The following ULK4 variants were observed in gnomAD, a reference collection of about 807,000 sequenced individuals.
The protein encoded by ULK4 is inactive serine/threonine-protein kinase ULK4.
ULK4 carries 133 observed loss-of-function variants against 160.6 expected under a neutral mutation model. The observed-to-expected ratio is 0.83, with a 90% CI of 0.72 to 0.96. ULK4 has a LOEUF of 0.96. Among genes scored for constraint, ULK4 ranks in the 40% least tolerant of loss-of-function variants. The probability of loss-of-function intolerance (pLI) is 0.00; values close to 1 mark genes in which losing one functional copy is unlikely to be tolerated. For synonymous variants in ULK4, 534 were observed against 539.8 expected, an observed-to-expected ratio of 0.99 and a Z score of 0.15; for missense variants, 1,580 against 1,499.5, an observed-to-expected ratio of 1.05 and a Z score of -0.89.
intron 35 of ULK4, among the ~76,000 whole-genome samples, chr3:41,355,633 T>G (rs1350246541): frequency 6.6e-6 from 1 of 152,236 alleles, no homozygotes; most frequent in Non-Finnish European, 1.5e-5. Context: ...AGAAGATATA[T>G]TCTTATACTG....
chr3:41,495,937 A>G (rs1418754501), intron 32 of ULK4, among the ~76,000 whole-genome samples: 2 of 152,262 alleles, frequency 1.3e-5, no homozygotes, highest in African/African-American at 4.8e-5. Context: ...TTGAGAAAGC[A>G]TCCATAATAT....
At chr3:41,705,825 T>G (rs2036857275) in intron 25 of ULK4, among the ~76,000 whole-genome samples, 1 of 152,140 alleles carries the variant, frequency 6.6e-6, no homozygotes, top group Admixed American at 6.6e-5. Context: ...AATGTTAACA[T>G]AAGCATTTAC....
At chr3:41,544,022 T>C (rs1353980183) in intron 32 of ULK4, among the ~76,000 whole-genome samples, 2 of 152,204 alleles carry the variant, frequency 1.3e-5, no homozygotes, top group Non-Finnish European at 2.9e-5. Flanking sequence ...TCCAACATAT[T>C]GGTCCTTTCA....
intron 35 of ULK4, among the ~76,000 whole-genome samples, chr3:41,263,851 C>G (rs1185195385): frequency 6.6e-6 from 1 of 152,172 alleles, no homozygotes; most frequent in African/African-American, 2.4e-5. Context: ...GTCAATAGGA[C>G]AGTGTGTATT....
intron 35 of ULK4, among the ~76,000 whole-genome samples, chr3:41,332,872 G>A (rs1395661360): frequency 3.9e-5 from 6 of 152,082 alleles, no homozygotes; most frequent in Admixed American, 3.9e-4. Context: ...AGTACCCAAT[G>A]TTTTGTTCCC....
At chr3:41,401,529 T>C (rs1482150756) in intron 34 of ULK4, among the ~76,000 whole-genome samples, 1 of 152,082 alleles carries the variant, frequency 6.6e-6, no homozygotes, top group Non-Finnish European at 1.5e-5. Context: ...TCTATGGTGG[T>C]TAGAAATGTA....
At position 41,376,197 on chromosome 3, in the gene ULK4, T is replaced by C. The variant is rs962386366; in HGVS notation, c.3678+21882A>G. ...GTGGGAGTGTAAATTAGTTCAACCA[T>C]TGTGGAAGACAGTGTGGTAATTCCT... On this transcript the variant is annotated intron_variant, in intron 35 of 36. Transcript: ENST00000301831. 1.1e-4 allele frequency among the ~76,000 whole-genome samples: 17 copies of C among 150,450 alleles called. 4 individuals carry two copies. The East Asian group carries it at 2.7e-3, about 24-fold the overall frequency.
At chr3:41,636,524 A>C (rs1483086435) in intron 30 of ULK4, among the ~76,000 whole-genome samples, 1 of 150,810 alleles carries the variant, frequency 6.6e-6, no homozygotes, top group Non-Finnish European at 1.5e-5. Context: ...ACAGAGCAAG[A>C]CTCTGTCTCA....
intron 7 of ULK4, among the ~76,000 whole-genome samples, chr3:41,916,817 C>A (rs570016584): frequency 6.6e-6 from 1 of 150,632 alleles, no homozygotes; most frequent in Non-Finnish European, 1.5e-5. Context: ...ATGCGATTCT[C>A]CTGTCTCAGC....
In ULK4 at chr3:41,815,187, G is replaced by A. The variant is rs567562244; in HGVS notation, c.1848+4236C>T. Among the ~76,000 whole-genome samples, 17 of 152,276 alleles carry A rather than the reference G, an allele frequency of 1.1e-4. No individual in the cohort carries two copies. The South Asian group carries it at 2.1e-3, about 19-fold the overall frequency. ...CTCCCAAAGTGCTGGGATTACAGGC[G>A]TGAGCCACATGCCTACCCTAATTCT... On this transcript the variant is annotated intron_variant, in intron 19 of 36. Coordinates refer to ENST00000301831, the MANE Select transcript of ULK4 (RefSeq NM_017886.4).
intron 27 of ULK4, among the ~76,000 whole-genome samples, chr3:41,697,814 T>A (rs1575581866): frequency 1.3e-5 from 2 of 152,272 alleles, no homozygotes; most frequent in Middle Eastern, 6.8e-3. Flanking sequence ...ATAAAGTTAA[T>A]GTAACTTAAG....
At chr3:41,808,301 A>G (rs1273886412) in intron 19 of ULK4, among the ~76,000 whole-genome samples, 1 of 152,200 alleles carries the variant, frequency 6.6e-6, no homozygotes, top group Non-Finnish European at 1.5e-5. Flanking sequence ...GTGCTTTACA[A>G]CACAATTGTC....
intron 34 of ULK4, among the ~76,000 whole-genome samples, chr3:41,420,471 CTTTCTTTTTTTTT>C (rs1239038897): frequency 1.6e-5 from 1 of 63,248 alleles, no homozygotes; most frequent in Non-Finnish European, 3.1e-5. Flanking sequence ...TTTTCCAGTT[CTTTCTTTTTTTTT>C]TTTTTTTTTT....
chr3:41,680,757 G>A (rs1396702147), intron 29 of ULK4, among the ~76,000 whole-genome samples: 1 of 152,136 alleles, frequency 6.6e-6, no homozygotes, highest in East Asian at 1.9e-4. Flanking sequence ...CCAGACTGCG[G>A]CCCAGGCCCT....
chr3:41,711,922 C>A (rs1247102928), intron 25 of ULK4, among the ~76,000 whole-genome samples: 1 of 152,164 alleles, frequency 6.6e-6, no homozygotes, highest in Non-Finnish European at 1.5e-5. Flanking sequence ...CTGCTGAAAC[C>A]TGGAGAGGGA....
intron 35 of ULK4, among the ~76,000 whole-genome samples, chr3:41,289,187 T>C (rs367730396): frequency 6.6e-6 from 1 of 152,268 alleles, no homozygotes; most frequent in Non-Finnish European, 1.5e-5. Flanking sequence ...GCTACTGTTA[T>C]GGCAATTATA....
intron 35 of ULK4, among the ~76,000 whole-genome samples, chr3:41,271,998 C>A (rs548085620): frequency 3.3e-5 from 5 of 152,164 alleles, no homozygotes; most frequent in Non-Finnish European, 7.3e-5. Context: ...CTCACTGCAA[C>A]CTCTGCCTCC....
chr3:41,758,695 A>G (rs917726613), intron 21 of ULK4, among the ~76,000 whole-genome samples: 3 of 151,980 alleles, frequency 2.0e-5, no homozygotes, highest in Non-Finnish European at 4.4e-5. Flanking sequence ...ATCACAGTGA[A>G]ACCCCGTCTC....
At chr3:41,368,197 A>T (rs1436979445) in intron 35 of ULK4, among the ~76,000 whole-genome samples, 8 of 151,624 alleles carry the variant, frequency 5.3e-5, no homozygotes, top group Non-Finnish European at 1.2e-4. Flanking sequence ...ACAGGCGCCC[A>T]CCACGACGCC....
Sources: gnomAD v4.1 joint callset for allele counts (sites outside exome capture counted in the v4.1 genomes callset) on GRCh38, gnomAD v4.1.1 for gene constraint, MANE v1.5 for transcripts, NCBI Gene and HGNC (gene_info 2026-07-23, HGNC 2026-07-21) for gene names.